SLIT1: variants seen among roughly 807,000 people sequenced by gnomAD.
The protein encoded by SLIT1 is slit homolog 1 protein.
In SLIT1, 66 loss-of-function variants were observed where a neutral mutation model predicts 186.1. The ratio of observed to expected loss-of-function variants is 0.35; its 90% CI spans 0.29 to 0.44. SLIT1 has a LOEUF of 0.44. Ranked by LOEUF, SLIT1 falls within the 20% of genes least tolerant of loss-of-function variation. The probability of loss-of-function intolerance (pLI) is 1.00; values close to 1 mark genes in which losing one functional copy is unlikely to be tolerated. For missense variants in SLIT1, 1,638 were observed against 2,037.4 expected, an observed-to-expected ratio of 0.80 and a Z score of 3.77; for synonymous variants, 761 against 833.8, an observed-to-expected ratio of 0.91 and a Z score of 1.50.
At chr10:97,024,683 A>T (rs759798471) in intron 25 of SLIT1, among the ~76,000 whole-genome samples, 6 of 152,212 alleles carry the variant, frequency 3.9e-5, no homozygotes, top group Non-Finnish European at 8.8e-5. Flanking sequence ...TACTAACAAA[A>T]AGTGTGATGT....
intron 4 of SLIT1, among the ~76,000 whole-genome samples, chr10:97,133,277 G>A (rs2134696612): frequency 6.6e-6 from 1 of 152,342 alleles, no homozygotes; most frequent in East Asian, 1.9e-4. Context: ...ACTGGGCCAG[G>A]CGCGGTGGCT....
chr10:97,049,017 C>T lies in SLIT1; in HGVS notation c.1403G>A (p.Ser468Asn), dbSNP rs771740484. 9 of 1,611,458 alleles carry T rather than the reference C, an allele frequency of 5.6e-6. No individual in the cohort carries two copies. The highest frequency in any genetic ancestry group is 2.2e-5 in the East Asian group (1 of 44,872). Reference protein sequence around the residue: ...PIETSGARCASPRRLANKRIG... With the variant: ...PIETSGARCANPRRLANKRIG... The stretch of plus-strand genomic sequence containing the variant: ...GCGCTTGTTGGCGAGGCGCCGGGGA[C>T]TGGCACAGCGGGCACCACTCGTCTC... The change falls in exon 14 of 37, where the codon AGT (serine) becomes AAT (asparagine). Residue 468 changes from serine (S) to asparagine (N), a missense_variant. Ser to Asn is a conservative substitution (Grantham distance 46, BLOSUM62 1). This residue lies in a region of SLIT1 where 1,245 missense variants were observed against 1,535.3 expected (regional missense o/e 0.81). Coordinates refer to ENST00000266058, the MANE Select transcript of SLIT1 (RefSeq NM_003061.3).
intron 27 of SLIT1, 66 bp downstream of exon 27, chr10:97,018,917 C>A (rs1464078601): frequency 2.1e-6 from 2 of 970,360 alleles, no homozygotes; most frequent in Non-Finnish European, 3.2e-6. Context: ...GTGCTCTGGG[C>A]CCTGGGGACA....
At chr10:97,119,101 T>C (rs1288726104) in intron 4 of SLIT1, among the ~76,000 whole-genome samples, 2 of 152,206 alleles carry the variant, frequency 1.3e-5, no homozygotes, top group South Asian at 4.1e-4. Flanking sequence ...AGGGGCAGTG[T>C]TCTAGCTTGG....
At chr10:97,154,399 G>A (rs944478243) in intron 4 of SLIT1, 5 of 152,244 alleles carry the variant, frequency 3.3e-5, no homozygotes, top group East Asian at 1.9e-4. Flanking sequence ...GAGTCCTCTC[G>A]GTTTGCATGC....
chr10:97,041,456 T>C (rs1848689821), intron 20 of SLIT1, among the ~76,000 whole-genome samples: 1 of 138,484 alleles, frequency 7.2e-6, no homozygotes, highest in Non-Finnish European at 1.6e-5. Context: ...GGCCGGGGGG[T>C]AGTGGGCAAA....
At chr10:97,038,481 C>T (rs909598876) in intron 21 of SLIT1, among the ~76,000 whole-genome samples, 2 of 152,162 alleles carry the variant, frequency 1.3e-5, no homozygotes, top group Non-Finnish European at 2.9e-5. Context: ...TAAAACCAAG[C>T]CCACCGAAAT....
chr10:97,134,492 G>A (rs1485377101), intron 4 of SLIT1, among the ~76,000 whole-genome samples: 3 of 152,084 alleles, frequency 2.0e-5, no homozygotes, highest in Non-Finnish European at 2.9e-5. Flanking sequence ...TATGCCGGCC[G>A]AGTCTCCATT....
intron 28 of SLIT1, among the ~76,000 whole-genome samples, chr10:97,017,998 G>T (rs1033779116): frequency 6.6e-6 from 1 of 151,902 alleles, no homozygotes; most frequent in African/African-American, 2.4e-5. Context: ...ACAGGCGCGT[G>T]CCACCACACC....
At chr10:97,168,094 A>G (rs1284596900) in intron 1 of SLIT1, among the ~76,000 whole-genome samples, 2 of 152,192 alleles carry the variant, frequency 1.3e-5, no homozygotes, top group South Asian at 2.1e-4. Flanking sequence ...GCCACATAAC[A>G]ATGGCTGTCA....
At chr10:97,107,925 C>T (rs1169051225) in intron 4 of SLIT1, among the ~76,000 whole-genome samples, 1 of 152,190 alleles carries the variant, frequency 6.6e-6, no homozygotes, top group Non-Finnish European at 1.5e-5. Flanking sequence ...GGGTTGCTAA[C>T]CTGTGGGCAG....
chr10:97,042,947 C>G lies in SLIT1; in HGVS notation c.2118G>C (p.Gln706His). 1 of 1,614,236 alleles carries G rather than the reference C, an allele frequency of 6.2e-7. No individual in the cohort carries two copies. The stretch of plus-strand genomic sequence containing the variant: ...GGAAGGCCACGTCCTGCAGGGGAAT[C>G]TGCCGCAAAAAGTCAGGGTTCTGGC... Reference protein sequence around the residue: ...PRCQNPDFLRQIPLQDVAFPD... With the variant: ...PRCQNPDFLRHIPLQDVAFPD... The change falls in exon 20 of 37, where the codon CAG becomes CAC. Residue 706 changes from glutamine to histidine, a missense_variant. Gln to His is a conservative substitution (Grantham distance 24, BLOSUM62 0). Transcript: ENST00000266058.
intron 4 of SLIT1, among the ~76,000 whole-genome samples, chr10:97,123,248 A>G (rs1319260849): frequency 1.3e-5 from 2 of 152,248 alleles, no homozygotes; most frequent in Admixed American, 1.3e-4. Context: ...CACACATGTC[A>G]AGTAGCTTTT....
At chr10:97,008,322 T>A (rs1437182531) in intron 31 of SLIT1, among the ~76,000 whole-genome samples, 1 of 152,248 alleles carries the variant, frequency 6.6e-6, no homozygotes, top group South Asian at 2.1e-4. Context: ...AACTACAAAA[T>A]GTTGAAAGAA....
At chr10:97,011,935 T>C (rs1848414366) in intron 30 of SLIT1, among the ~76,000 whole-genome samples, 1 of 152,082 alleles carries the variant, frequency 6.6e-6, no homozygotes, top group African/African-American at 2.4e-5. Context: ...CACTGAGCAG[T>C]CCCCTTGTCT....
intron 25 of SLIT1, among the ~76,000 whole-genome samples, chr10:97,023,608 G>T (rs1848519812): frequency 6.6e-6 from 1 of 152,192 alleles, no homozygotes; most frequent in African/African-American, 2.4e-5. Context: ...CCACATGAGA[G>T]ACTTAGAGAT....
At chr10:97,143,657 C>A (rs949286978) in intron 4 of SLIT1, among the ~76,000 whole-genome samples, 30 of 152,042 alleles carry the variant, frequency 2.0e-4, no homozygotes, top group African/African-American at 7.0e-4. Flanking sequence ...GTAGGACAGC[C>A]TAGAACTGGA....
At chr10:97,032,300 G>A (rs1848598254) in intron 23 of SLIT1, among the ~76,000 whole-genome samples, 1 of 152,174 alleles carries the variant, frequency 6.6e-6, no homozygotes, top group South Asian at 2.1e-4. Context: ...TGGATGCGGT[G>A]GCTGACTCTT....
intron 3 of SLIT1, among the ~76,000 whole-genome samples, chr10:97,162,912 A>G (rs1850048853): frequency 6.6e-6 from 1 of 152,088 alleles, no homozygotes; most frequent in Non-Finnish European, 1.5e-5. Context: ...TCAGCAACAA[A>G]CCATGTGAAT....
Sources: gnomAD v4.1 joint callset for allele counts (sites outside exome capture counted in the v4.1 genomes callset) on GRCh38, gnomAD v4.1.1 for gene constraint, gnomAD v4.1.1 regional missense constraint, MANE v1.5 for transcripts, NCBI Gene and HGNC (gene_info 2026-07-23, HGNC 2026-07-21) for gene names.